Variants in NXPH1 observed in about 807,000 individuals in gnomAD.
The protein encoded by NXPH1 is neurexophilin-1.
Under a neutral mutation model 23.7 loss-of-function variants are expected in NXPH1, and 5 were observed. The observed-to-expected ratio is 0.21, with a 90% CI of 0.11 to 0.44. NXPH1 has a LOEUF of 0.44. Among genes scored for constraint, NXPH1 ranks in the 20% least tolerant of loss-of-function variants. The probability of loss-of-function intolerance (pLI) is 0.99; values close to 1 mark genes in which losing one functional copy is unlikely to be tolerated. For synonymous variants in NXPH1, 144 were observed against 122.2 expected (o/e 1.18, Z -1.18); for missense variants, 324 against 321.6 (o/e 1.01, Z -0.06).
At chr7:8,519,665 C>T (rs1396009301) in intron 2 of NXPH1, among the ~76,000 whole-genome samples, 2 of 152,104 alleles carry the variant, frequency 1.3e-5, no homozygotes, top group African/African-American at 4.8e-5. Flanking sequence ...TCTCTCTCTC[C>T]CTCACCGCTC....
chr7:8,591,912 G>T (rs1216975824), intron 2 of NXPH1, among the ~76,000 whole-genome samples: 1 of 147,658 alleles, frequency 6.8e-6, no homozygotes, highest in African/African-American at 2.5e-5. Flanking sequence ...GTTGTCTGTT[G>T]TCCTTTAATG....
Position 8,455,746 on chromosome 7 carries a change from A to G in NXPH1, c.54+19979A>G, listed in dbSNP as rs1346256202. On this transcript the variant is annotated intron_variant, in intron 2 of 2. Transcript: ENST00000405863. ...GCATCCTCTCTTCGTTGCTTCTTCC[A>G]AAAGGGTTTCAGCCAATATTCAATA... Among the ~76,000 whole-genome samples, 8 of 152,212 alleles carry G rather than the reference A, an allele frequency of 5.3e-5. No homozygotes were observed. In the East Asian group the frequency reaches 1.3e-3, roughly 26 times the overall value.
At chr7:8,749,993 G>C (rs1227197616) in intron 2 of NXPH1, among the ~76,000 whole-genome samples, 1 of 152,186 alleles carries the variant, frequency 6.6e-6, no homozygotes, top group African/African-American at 2.4e-5. Context: ...GGTCCTAGGA[G>C]AACAGTGTCT....
intron 2 of NXPH1, among the ~76,000 whole-genome samples, chr7:8,620,768 A>G (rs892099163): frequency 6.6e-6 from 1 of 152,218 alleles, no homozygotes. Context: ...GTCACTAAAA[A>G]TCATCTGTAT....
chr7:8,531,972 A>C (rs1051743544), intron 2 of NXPH1, among the ~76,000 whole-genome samples: 2 of 152,170 alleles, frequency 1.3e-5, no homozygotes, highest in African/African-American at 4.8e-5. Flanking sequence ...GGTCAGGATA[A>C]CTACTTCCCA....
chr7:8,627,012 G>GC (rs1420405461), intron 2 of NXPH1, among the ~76,000 whole-genome samples: 1 of 151,958 alleles, frequency 6.6e-6, no homozygotes, highest in Non-Finnish European at 1.5e-5. Flanking sequence ...CTGACTTTAT[G>GC]CCCCCACCTT....
At chr7:8,634,208 T>C (rs1029372997) in intron 2 of NXPH1, among the ~76,000 whole-genome samples, 13 of 152,054 alleles carry the variant, frequency 8.5e-5, no homozygotes, top group African/African-American at 2.4e-4. Context: ...AATTGAATCA[T>C]GGGGGCGGGT....
At chr7:8,600,210 A>G (rs1349689656) in intron 2 of NXPH1, among the ~76,000 whole-genome samples, 1 of 150,474 alleles carries the variant, frequency 6.6e-6, no homozygotes, top group Non-Finnish European at 1.5e-5. Context: ...GCAAAGGCCT[A>G]CTTTCTTACT....
intron 2 of NXPH1, among the ~76,000 whole-genome samples, chr7:8,566,410 T>G (rs1437178779): frequency 6.6e-6 from 1 of 151,864 alleles, no homozygotes; most frequent in East Asian, 1.9e-4. Context: ...AAGCATTATT[T>G]TGGGGCTTTC....
rs144344815 is a variant in NXPH1, at chr7:8,539,877, A to G, written c.54+104110A>G. The stretch of plus-strand genomic sequence containing the variant: ...TCTTTGATAACTCTTGGAACCCAAC[A>G]AGGAATATATGAGTTACAAATATTT... On this transcript the variant is annotated intron_variant, in intron 2 of 2. Transcript: ENST00000405863. Among the ~76,000 whole-genome samples, 85 of 151,988 alleles carry G rather than the reference A, an allele frequency of 5.6e-4. 1 individual carries two copies. Among genetic ancestry groups the G allele is most frequent in the African/African-American group, 2.0e-3 (83 of 41,532 alleles).
At chr7:8,446,802 C>G (rs933065689) in intron 2 of NXPH1, among the ~76,000 whole-genome samples, 1 of 148,916 alleles carries the variant, frequency 6.7e-6, no homozygotes, top group Admixed American at 6.6e-5. Flanking sequence ...TTTTTTTTTT[C>G]TTACCTTCCT....
At chr7:8,445,919 G>A (rs1161867247) in intron 2 of NXPH1, among the ~76,000 whole-genome samples, 1 of 152,196 alleles carries the variant, frequency 6.6e-6, no homozygotes, top group Non-Finnish European at 1.5e-5. Context: ...ACAATGGCAT[G>A]ATAGCTGAAA....
chr7:8,471,846 A>G (rs1816877565), intron 2 of NXPH1, among the ~76,000 whole-genome samples: 1 of 152,096 alleles, frequency 6.6e-6, no homozygotes, highest in South Asian at 2.1e-4. Context: ...TTCATTTAAA[A>G]TAACAAGTTA....
intron 2 of NXPH1, among the ~76,000 whole-genome samples, chr7:8,568,647 CA>C (rs79150555): frequency 0.023 from 2,533 of 108,534 alleles, 20 homozygotes; most frequent in Non-Finnish European, 0.036. Context: ...TCATTCTTAG[CA>C]AAAAAAAAAA....
At chr7:8,685,894 T>C (rs1821139607) in intron 2 of NXPH1, among the ~76,000 whole-genome samples, 1 of 152,050 alleles carries the variant, frequency 6.6e-6, no homozygotes, top group Non-Finnish European at 1.5e-5. Flanking sequence ...TCAAGAATAA[T>C]TGTACATTTT....
chr7:8,730,648 T>C (rs562176619), intron 2 of NXPH1, among the ~76,000 whole-genome samples: 1 of 152,322 alleles, frequency 6.6e-6, no homozygotes, highest in Admixed American at 6.5e-5. Flanking sequence ...TTCTTTTCTT[T>C]AAGAATGTTG....
At chr7:8,517,662 TCTC>T (rs1196388544) in intron 2 of NXPH1, among the ~76,000 whole-genome samples, 1 of 152,084 alleles carries the variant, frequency 6.6e-6, no homozygotes, top group Non-Finnish European at 1.5e-5. Flanking sequence ...AGAAGAGATC[TCTC>T]CTCATATTTG....
intron 2 of NXPH1, among the ~76,000 whole-genome samples, chr7:8,635,785 TC>T (rs1303356328): frequency 1.3e-5 from 2 of 152,250 alleles, no homozygotes; most frequent in Non-Finnish European, 2.9e-5. Flanking sequence ...CAGCTTTTTT[TC>T]TTTTTTTGAC....
At chr7:8,439,082 C>A (rs1816247041) in intron 2 of NXPH1, among the ~76,000 whole-genome samples, 1 of 152,016 alleles carries the variant, frequency 6.6e-6, no homozygotes, top group Non-Finnish European at 1.5e-5. Flanking sequence ...AGCCTGAATT[C>A]AATAGGAGAG....
Sources: gnomAD v4.1 joint callset for allele counts (sites outside exome capture counted in the v4.1 genomes callset) on GRCh38, gnomAD v4.1.1 for gene constraint, MANE v1.5 for transcripts, NCBI Gene and HGNC (gene_info 2026-07-23, HGNC 2026-07-21) for gene names.